PLXDC2: variants seen among roughly 807,000 people sequenced by gnomAD.
PLXDC2 encodes the protein plexin domain containing 2.
Under a neutral mutation model 68.9 loss-of-function variants are expected in PLXDC2, and 40 were observed. The ratio of observed to expected loss-of-function variants is 0.58; its 90% CI spans 0.45 to 0.76. The LOEUF (loss-of-function observed/expected upper bound fraction) is 0.76, where lower values mean the gene tolerates loss of function less well. Ranked by LOEUF, PLXDC2 falls within the 30% of genes least tolerant of loss-of-function variation. PLXDC2 has a pLI of 0.00. For synonymous variants in PLXDC2, 243 were observed against 234.2 expected (o/e 1.04, Z -0.34); for missense variants, 644 against 661.9 (o/e 0.97, Z 0.30).
intron 1 of PLXDC2, among the ~76,000 whole-genome samples, chr10:19,922,486 C>T (rs542132764): frequency 6.3e-4 from 96 of 152,262 alleles, no homozygotes; most frequent in African/African-American, 2.3e-3. Context: ...AGGCTTCCTT[C>T]TATGAGTCAT....
At chr10:19,940,057 A>G (rs1298915658) in intron 1 of PLXDC2, among the ~76,000 whole-genome samples, 1 of 151,838 alleles carries the variant, frequency 6.6e-6, no homozygotes, top group Non-Finnish European at 1.5e-5. Flanking sequence ...TAGTAATTTC[A>G]AAGAGTTTAG....
chr10:19,898,423 C>T (rs150341671), intron 1 of PLXDC2, among the ~76,000 whole-genome samples: 12 of 152,244 alleles, frequency 7.9e-5, no homozygotes, highest in African/African-American at 2.4e-4. Context: ...TGTCTGGAAA[C>T]GTTAAAACAG....
chr10:20,148,954 T>C, intron 6 of PLXDC2, among the ~76,000 whole-genome samples: 1 of 152,240 alleles, frequency 6.6e-6, no homozygotes, highest in Admixed American at 6.5e-5. Context: ...GTCAGATATT[T>C]CTATTCCTTT....
At chr10:20,133,323 G>A (rs1034572565) in intron 4 of PLXDC2, among the ~76,000 whole-genome samples, 6 of 152,088 alleles carry the variant, frequency 3.9e-5, no homozygotes, top group East Asian at 3.9e-4. Context: ...ATATTTTCGC[G>A]TTGTTAGTTT....
At chr10:19,882,561 C>T (rs1418040859) in intron 1 of PLXDC2, among the ~76,000 whole-genome samples, 1 of 152,154 alleles carries the variant, frequency 6.6e-6, no homozygotes, top group East Asian at 1.9e-4. Context: ...GCCTTGCTGC[C>T]CTGCTTCCAT....
At chr10:20,163,242 TA>T (rs752294278) in intron 6 of PLXDC2, among the ~76,000 whole-genome samples, 5 of 152,130 alleles carry the variant, frequency 3.3e-5, no homozygotes, top group Admixed American at 6.5e-5. Flanking sequence ...AATAATACAT[TA>T]AGGGAAAATG....
intron 4 of PLXDC2, among the ~76,000 whole-genome samples, chr10:20,089,037 A>G (rs1833238645): frequency 6.6e-6 from 1 of 152,156 alleles, no homozygotes; most frequent in South Asian, 2.1e-4. Context: ...TGGATGATTG[A>G]ATCTGTGCTT....
intron 1 of PLXDC2, among the ~76,000 whole-genome samples, chr10:19,956,167 T>C (rs375467534): frequency 6.6e-6 from 1 of 152,194 alleles, no homozygotes. Flanking sequence ...ATAAATACTT[T>C]ATTTGTTTCT....
At chr10:19,867,933 G>A (rs1461284234) in intron 1 of PLXDC2, among the ~76,000 whole-genome samples, 3 of 152,100 alleles carry the variant, frequency 2.0e-5, no homozygotes, top group Admixed American at 1.3e-4. Flanking sequence ...GTAATAAAAT[G>A]TCTGTAAAAT....
intron 4 of PLXDC2, among the ~76,000 whole-genome samples, chr10:20,102,347 G>C (rs972816272): frequency 6.6e-6 from 1 of 151,948 alleles, no homozygotes; most frequent in African/African-American, 2.4e-5. Flanking sequence ...CATAATTATC[G>C]TTATCTGTCT....
chr10:20,001,718 C>T (rs1834942095), intron 1 of PLXDC2, 57 bp from the exon 2 acceptor site: 1 of 1,509,528 alleles, frequency 6.6e-7, no homozygotes, highest in Non-Finnish European at 9.2e-7. Context: ...GCCGATAGCA[C>T]TTGCATGTAT....
At position 20,089,805 on chromosome 10, in the gene PLXDC2, A is replaced by G. The variant is rs1016208165; in HGVS notation, c.541+21566A>G. 4.6e-5 allele frequency among the ~76,000 whole-genome samples: 7 copies of G among 152,354 alleles called. 1 individual carries two copies. The South Asian group carries it at 1.2e-3, about 27-fold the overall frequency. On this transcript the variant is annotated intron_variant, in intron 4 of 13. Coordinates refer to ENST00000377252, the MANE Select transcript of PLXDC2 (RefSeq NM_032812.9). ...TTCACTGCAGGTAAAAGAGAGCCCA[A>G]GAGAGAATAATAATTAACTGATATA...
chr10:20,226,244 T>C (rs1249452732), intron 12 of PLXDC2, among the ~76,000 whole-genome samples: 1 of 152,210 alleles, frequency 6.6e-6, no homozygotes, highest in Non-Finnish European at 1.5e-5. Flanking sequence ...ATATCCATTA[T>C]ACCTCCTAAC....
chr10:20,135,966 A>G (rs1833927769), intron 4 of PLXDC2, among the ~76,000 whole-genome samples: 1 of 152,206 alleles, frequency 6.6e-6, no homozygotes, highest in Admixed American at 6.5e-5. Flanking sequence ...CTAAGAACTG[A>G]TGGATATATT....
intron 1 of PLXDC2, among the ~76,000 whole-genome samples, chr10:19,819,015 A>G (rs1245329534): frequency 2.1e-5 from 3 of 142,016 alleles, no homozygotes; most frequent in African/African-American, 8.3e-5. Flanking sequence ...ACGTTACTGA[A>G]AAAAGAATAT....
chr10:19,950,948 A>C (rs1391821018), intron 1 of PLXDC2, among the ~76,000 whole-genome samples: 2 of 152,220 alleles, frequency 1.3e-5, no homozygotes, highest in Non-Finnish European at 2.9e-5. Context: ...AGGCATATGC[A>C]GAAGAATGAA....
chr10:19,873,930 G>C (rs1047231792), intron 1 of PLXDC2, among the ~76,000 whole-genome samples: 12 of 152,208 alleles, frequency 7.9e-5, no homozygotes, highest in African/African-American at 2.4e-4. Context: ...TAAATGATTT[G>C]TGAGGTTTTT....
At chr10:19,835,919 T>A (rs1327865343) in intron 1 of PLXDC2, among the ~76,000 whole-genome samples, 1 of 152,042 alleles carries the variant, frequency 6.6e-6, no homozygotes, top group East Asian at 1.9e-4. Flanking sequence ...CAGCCATAAT[T>A]TCAGCACTTT....
At chr10:19,878,930 G>T (rs575827990) in intron 1 of PLXDC2, among the ~76,000 whole-genome samples, 1 of 152,252 alleles carries the variant, frequency 6.6e-6, no homozygotes, top group Admixed American at 6.5e-5. Flanking sequence ...GAATTAAGAA[G>T]AAGCAGAGGG....
Sources: gnomAD v4.1 joint callset for allele counts (sites outside exome capture counted in the v4.1 genomes callset) on GRCh38, gnomAD v4.1.1 for gene constraint, MANE v1.5 for transcripts, NCBI Gene and HGNC (gene_info 2026-07-23, HGNC 2026-07-21) for gene names.